ATXN1: variants seen among roughly 807,000 people sequenced by gnomAD.
The protein encoded by ATXN1 is ataxin 1.
Under a neutral mutation model 56.4 loss-of-function variants are expected in ATXN1, and 8 were observed. The observed-to-expected ratio is 0.14, with a 90% CI of 0.08 to 0.26. The LOEUF (loss-of-function observed/expected upper bound fraction) is 0.26, where lower values mean the gene tolerates loss of function less well. Ranked by LOEUF, ATXN1 falls within the 10% of genes least tolerant of loss-of-function variation. The pLI is 1.00. For synonymous variants in ATXN1, 514 were observed against 494.6 expected (o/e 1.04, Z -0.52); for missense variants, 987 against 1,106.5 (o/e 0.89, Z 1.53).
intron 5 of ATXN1, among the ~76,000 whole-genome samples, chr6:16,487,944 A>T (rs1166643760): frequency 6.6e-6 from 1 of 152,178 alleles, no homozygotes; most frequent in Non-Finnish European, 1.5e-5. Flanking sequence ...TGATCTAGTG[A>T]TGTACAACTG....
At chr6:16,740,414 A>C (rs191042527) in intron 2 of ATXN1, among the ~76,000 whole-genome samples, 1 of 152,240 alleles carries the variant, frequency 6.6e-6, no homozygotes, top group Non-Finnish European at 1.5e-5. Context: ...AACATCTAGT[A>C]GAAAGACAGC....
intron 6 of ATXN1, among the ~76,000 whole-genome samples, chr6:16,437,325 A>AC (rs1004153748): frequency 6.6e-6 from 1 of 151,774 alleles, no homozygotes; most frequent in African/African-American, 2.4e-5. Context: ...TATCAGCACC[A>AC]CCCCCGTGGA....
chr6:16,429,427 T>A (rs1241387867), intron 6 of ATXN1, among the ~76,000 whole-genome samples: 3 of 97,662 alleles, frequency 3.1e-5, no homozygotes, highest in Admixed American at 1.1e-4. Context: ...TTTTGTTCGT[T>A]TTTTTTTTTT....
chr6:16,638,598 C>T (rs755714917), intron 3 of ATXN1, among the ~76,000 whole-genome samples: 7 of 152,192 alleles, frequency 4.6e-5, no homozygotes, highest in Non-Finnish European at 7.3e-5. Flanking sequence ...ATGCACACAT[C>T]ACAGTGGTGG....
chr6:16,541,094 C>T (rs1464976437), intron 4 of ATXN1, among the ~76,000 whole-genome samples: 1 of 152,166 alleles, frequency 6.6e-6, no homozygotes, highest in Non-Finnish European at 1.5e-5. Context: ...TACATAGCCT[C>T]AGAATATCAC....
chr6:16,670,827 A>C (rs1367763898), intron 2 of ATXN1, among the ~76,000 whole-genome samples: 5 of 152,222 alleles, frequency 3.3e-5, no homozygotes, highest in Admixed American at 3.3e-4. Flanking sequence ...GCTCACTGTA[A>C]ACTGACAAGA....
intron 4 of ATXN1, among the ~76,000 whole-genome samples, chr6:16,576,799 T>C (rs1762430037): frequency 6.6e-6 from 1 of 152,168 alleles, no homozygotes; most frequent in Non-Finnish European, 1.5e-5. Flanking sequence ...AACCCCCATG[T>C]TAGCATGCAT....
intron 3 of ATXN1, among the ~76,000 whole-genome samples, chr6:16,604,585 CT>C (rs1191209642): frequency 6.8e-6 from 1 of 145,992 alleles, no homozygotes; most frequent in African/African-American, 2.5e-5. Context: ...TTTTGTTTCT[CT>C]TCTTTTTTTT....
intron 5 of ATXN1, among the ~76,000 whole-genome samples, chr6:16,517,146 C>G (rs1364340350): frequency 6.6e-6 from 1 of 152,254 alleles, no homozygotes; most frequent in Non-Finnish European, 1.5e-5. Context: ...TAGCCATGGC[C>G]TTGATTCTGT....
At chr6:16,539,964 G>C (rs564419076) in intron 4 of ATXN1, among the ~76,000 whole-genome samples, 5 of 152,280 alleles carry the variant, frequency 3.3e-5, no homozygotes, top group Admixed American at 3.3e-4. Context: ...TCAAAAAAAG[G>C]AGAAAAGGAG....
At chr6:16,684,528 A>AAAAC (rs1309912675) in intron 2 of ATXN1, among the ~76,000 whole-genome samples, 1 of 152,054 alleles carries the variant, frequency 6.6e-6, no homozygotes, top group African/African-American at 2.4e-5. Flanking sequence ...TTCTGAAGCC[A>AAAAC]CATTTGAAAA....
intron 6 of ATXN1, among the ~76,000 whole-genome samples, chr6:16,439,939 A>G (rs1431986856): frequency 1.3e-5 from 2 of 151,342 alleles, no homozygotes; most frequent in Non-Finnish European, 2.9e-5. Context: ...GGTGGGTGTG[A>G]TGGTAGGCAC....
At chr6:16,542,471 C>T (rs1005276870) in intron 4 of ATXN1, among the ~76,000 whole-genome samples, 4 of 152,176 alleles carry the variant, frequency 2.6e-5, no homozygotes, top group South Asian at 2.1e-4. Context: ...ACAGTGCTCC[C>T]GGAGCCCTTC....
chr6:16,410,332 A>G lies in ATXN1; in HGVS notation c.-161+75640T>C, dbSNP rs1405124815. ...ACTATCATAAGCCAATTAGAGAACC[A>G]AACAAGTGCTGAAGGGACCCCTATG... is the stretch of plus-strand genomic sequence containing the variant. On this transcript the variant is annotated intron_variant, in intron 6 of 7. Coordinates refer to ENST00000436367, the MANE Select transcript of ATXN1 (RefSeq NM_001128164.2). This position sits in a 1 kb window ranked among gnomAD's most constrained non-coding sequence, Gnocchi z 4.6. Among the ~76,000 whole-genome samples, 1 of 152,252 alleles carries G rather than the reference A, an allele frequency of 6.6e-6. No individual in the cohort carries two copies. The highest frequency in any genetic ancestry group is 2.4e-5 in the African/African-American group (1 of 41,466).
At chr6:16,517,802 C>T (rs1332846684) in intron 5 of ATXN1, among the ~76,000 whole-genome samples, 1 of 152,184 alleles carries the variant, frequency 6.6e-6, no homozygotes. Flanking sequence ...ATGCCAACTA[C>T]TGCCAACTGA....
At chr6:16,528,300 CAAAAAA>C (rs375416081) in intron 4 of ATXN1, among the ~76,000 whole-genome samples, 1 of 74,466 alleles carries the variant, frequency 1.3e-5, no homozygotes. Flanking sequence ...GACTCCCTCT[CAAAAAA>C]AAAAAAAAAA....
intron 6 of ATXN1, among the ~76,000 whole-genome samples, chr6:16,343,447 C>A (rs527676347): frequency 5.3e-5 from 8 of 152,290 alleles, no homozygotes; most frequent in Admixed American, 5.2e-4. Flanking sequence ...CTGCTTGGAG[C>A]TACAAGGATC....
At chr6:16,542,580 C>T (rs1023231707) in intron 4 of ATXN1, among the ~76,000 whole-genome samples, 1 of 152,158 alleles carries the variant, frequency 6.6e-6, no homozygotes, top group Non-Finnish European at 1.5e-5. Context: ...ACATTCCCAA[C>T]TACTTGGGAG....
chr6:16,593,499 C>T (rs1486511562), intron 3 of ATXN1, among the ~76,000 whole-genome samples: 1 of 152,196 alleles, frequency 6.6e-6, no homozygotes, highest in Non-Finnish European at 1.5e-5. Context: ...AACAGGCATA[C>T]ACCGACCACC....
Sources: allele counts gnomAD v4.1 joint callset (sites outside exome capture counted in the v4.1 genomes callset), GRCh38; gene constraint gnomAD v4.1.1; non-coding constraint Gnocchi (gnomAD v3.1); transcripts MANE v1.5; gene names NCBI Gene and HGNC (gene_info 2026-07-23, HGNC 2026-07-21).